Variants in NRXN1 observed in about 807,000 individuals in gnomAD.
NRXN1 encodes neurexin 1, also known as neurexin-1.
NRXN1 carries 39 observed loss-of-function variants against 150.9 expected under a neutral mutation model. The observed-to-expected ratio is 0.26, with a 90% CI of 0.20 to 0.34. The LOEUF is 0.34. Among genes scored for constraint, NRXN1 ranks in the 10% least tolerant of loss-of-function variants. The probability of loss-of-function intolerance (pLI) is 1.00; values close to 1 mark genes in which losing one functional copy is unlikely to be tolerated. For missense variants in NRXN1, 1,815 were observed against 1,949.9 expected (o/e 0.93, Z 1.30); for synonymous variants, 924 against 757.0 (o/e 1.22, Z -3.62).
At position 50,407,087 on chromosome 2, in the gene NRXN1, AT is replaced by A. The variant is rs1479062283; in HGVS notation, c.3364+58354del. On this transcript the variant is annotated intron_variant, in intron 17 of 22. Coordinates refer to ENST00000401669, the MANE Select transcript of NRXN1 (RefSeq NM_001330078.2). Reference sequence around the variant, plus strand: ...CTTATTGATAGTAGTAATGATATACATTTTTTAAAAAATTATCAAATTGTGT... The same window carrying A: ...CTTATTGATAGTAGTAATGATATACATTTTTAAAAAATTATCAAATTGTGT... Among the ~76,000 whole-genome samples, 2 of 152,166 alleles carry A rather than the reference AT, an allele frequency of 1.3e-5. 1 individual carries two copies. Among genetic ancestry groups the A allele is most frequent in the Non-Finnish European group, 2.9e-5 (2 of 68,032 alleles).
chr2:50,508,016 G>A (rs183975841), intron 12 of NRXN1, among the ~76,000 whole-genome samples: 80 of 152,154 alleles, frequency 5.3e-4, no homozygotes, highest in African/African-American at 1.9e-3. Context: ...GAGAGCAAGA[G>A]AGATCGAGTA....
chr2:50,393,023 G>C (rs763656832), intron 17 of NRXN1, among the ~76,000 whole-genome samples: 10 of 152,006 alleles, frequency 6.6e-5, no homozygotes, highest in Non-Finnish European at 1.3e-4. Flanking sequence ...AGAAGAAAAA[G>C]GGGAGAACTA....
At chr2:50,409,846 T>C (rs1162054961) in intron 17 of NRXN1, among the ~76,000 whole-genome samples, 1 of 152,204 alleles carries the variant, frequency 6.6e-6, no homozygotes, top group African/African-American at 2.4e-5. Context: ...TCTTTATAAG[T>C]GGACACATCT....
intron 17 of NRXN1, chr2:50,417,265 C>T (rs933261323): frequency 7.9e-5 from 12 of 152,122 alleles, no homozygotes; most frequent in African/African-American, 2.7e-4. Context: ...TCTGGATACA[C>T]ATTTCAAGCC....
At chr2:50,488,158 C>A (rs1030672005) in intron 15 of NRXN1, among the ~76,000 whole-genome samples, 1 of 152,172 alleles carries the variant, frequency 6.6e-6, no homozygotes, top group Non-Finnish European at 1.5e-5. Flanking sequence ...GGTTAAAAAT[C>A]ACACTTTTTG....
rs182341536 is a variant in NRXN1, at chr2:50,155,338, C to T, written c.3547-63844G>A. 8.6e-5 allele frequency among the ~76,000 whole-genome samples: 13 copies of T among 151,104 alleles called. No homozygotes were observed. The East Asian group carries it at 1.6e-3, about 18-fold the overall frequency. Reference sequence around the variant, plus strand: ...ACCAATAAGGAACTATTTTGGGGTACATTCATTTATTATTTTGCTTGGGGC... The same window carrying T: ...ACCAATAAGGAACTATTTTGGGGTATATTCATTTATTATTTTGCTTGGGGC... On this transcript the variant is annotated intron_variant, in intron 18 of 22. Coordinates refer to ENST00000401669, the MANE Select transcript of NRXN1 (RefSeq NM_001330078.2).
intron 21 of NRXN1, among the ~76,000 whole-genome samples, chr2:49,963,685 C>T (rs1225407933): frequency 6.6e-6 from 1 of 152,190 alleles, no homozygotes; most frequent in South Asian, 2.1e-4. Flanking sequence ...AGATCCCTCT[C>T]ACCCCCATCC....
chr2:50,610,919 T>C (rs935891931), intron 8 of NRXN1, among the ~76,000 whole-genome samples: 4 of 150,132 alleles, frequency 2.7e-5, no homozygotes, highest in African/African-American at 2.5e-5. Context: ...TAATTTTTTG[T>C]ATTTTTAATA....
chr2:50,980,860 A>G (rs979232250), intron 2 of NRXN1, among the ~76,000 whole-genome samples: 5 of 152,120 alleles, frequency 3.3e-5, no homozygotes, highest in African/African-American at 1.2e-4. Context: ...GTTTGCTTCC[A>G]GAAAGATTAT....
At chr2:50,648,624 G>C (rs981645619) in intron 5 of NRXN1, among the ~76,000 whole-genome samples, 3 of 151,952 alleles carry the variant, frequency 2.0e-5, no homozygotes, top group African/African-American at 7.2e-5. Flanking sequence ...ATATGATGAT[G>C]TTTATGGTCT....
intron 5 of NRXN1, among the ~76,000 whole-genome samples, chr2:50,769,692 C>T (rs1702779658): frequency 6.6e-6 from 1 of 151,968 alleles, no homozygotes; most frequent in African/African-American, 2.4e-5. Flanking sequence ...GGACCATTTG[C>T]CAAGCCTCAT....
chr2:50,057,558 A>G (rs1036871749), intron 19 of NRXN1, among the ~76,000 whole-genome samples: 2 of 152,156 alleles, frequency 1.3e-5, no homozygotes, highest in African/African-American at 4.8e-5. Context: ...AACTCTGAAT[A>G]TCCCTCCATG....
intron 9 of NRXN1, among the ~76,000 whole-genome samples, chr2:50,552,261 C>A (rs1217930367): frequency 6.6e-6 from 1 of 152,072 alleles, no homozygotes; most frequent in East Asian, 1.9e-4. Flanking sequence ...TAAGAGAAAA[C>A]TGGGAATAGA....
chr2:50,858,581 A>T (rs1439164461), intron 5 of NRXN1, among the ~76,000 whole-genome samples: 1 of 152,136 alleles, frequency 6.6e-6, no homozygotes, highest in African/African-American at 2.4e-5. Context: ...TACTTAAAAA[A>T]AAAATGCGGG....
At chr2:50,843,452 G>T (rs1673171210) in intron 5 of NRXN1, among the ~76,000 whole-genome samples, 1 of 152,176 alleles carries the variant, frequency 6.6e-6, no homozygotes, top group Non-Finnish European at 1.5e-5. Flanking sequence ...TTTTGGTTTT[G>T]AAATAAAGAT....
intron 17 of NRXN1, among the ~76,000 whole-genome samples, chr2:50,304,193 C>T (rs372347911): frequency 3.3e-5 from 5 of 151,990 alleles, no homozygotes; most frequent in East Asian, 3.9e-4. Context: ...CTGGGCACAC[C>T]GAAATAAATT....
At chr2:51,023,090 G>A (rs78989127) in intron 2 of NRXN1, among the ~76,000 whole-genome samples, 1 of 152,158 alleles carries the variant, frequency 6.6e-6, no homozygotes, top group African/African-American at 2.4e-5. Context: ...AGAAAGAATT[G>A]TATTTTTCCC....
intron 5 of NRXN1, among the ~76,000 whole-genome samples, chr2:50,779,539 C>T (rs186832464): frequency 8.5e-5 from 13 of 152,148 alleles, no homozygotes; most frequent in Non-Finnish European, 1.5e-4. Context: ...GAGGCCAAGG[C>T]GGGTGGATCA....
chr2:50,395,882 G>A (rs1008288463), intron 17 of NRXN1, among the ~76,000 whole-genome samples: 6 of 152,030 alleles, frequency 3.9e-5, no homozygotes, highest in Admixed American at 3.9e-4. Context: ...ACTGCCACTA[G>A]CAGGACTCAA....
Sources: allele counts gnomAD v4.1 joint callset (sites outside exome capture counted in the v4.1 genomes callset), GRCh38; gene constraint gnomAD v4.1.1; transcripts MANE v1.5; gene names NCBI Gene and HGNC (gene_info 2026-07-23, HGNC 2026-07-21).